Variants in MICAL2 observed in about 807,000 individuals in gnomAD.
MICAL2 encodes [F-actin]-monooxygenase MICAL2.
MICAL2 carries 77 observed loss-of-function variants against 127.3 expected under a neutral mutation model. The ratio of observed to expected loss-of-function variants is 0.60; its 90% CI spans 0.50 to 0.73. The LOEUF is 0.73. Ranked by LOEUF, MICAL2 falls within the 30% of genes least tolerant of loss-of-function variation. The pLI is 0.00. For missense variants in MICAL2, 1,351 were observed against 1,434.4 expected (o/e 0.94, Z 0.94); for synonymous variants, 570 against 551.1 (o/e 1.03, Z -0.48).
At chr11:12,305,311 T>G (rs1047310352) in intron 29 of MICAL2, among the ~76,000 whole-genome samples, 1 of 152,106 alleles carries the variant, frequency 6.6e-6, no homozygotes, top group Admixed American at 6.5e-5. Context: ...GACCCCCTTA[T>G]ATAACCATCA....
intron 5 of MICAL2, 124 bp downstream of exon 5, chr11:12,208,263 A>T: frequency 2.8e-6 from 2 of 703,956 alleles, no homozygotes; most frequent in Admixed American, 2.7e-5. Context: ...GCATAATGCC[A>T]CTGAAGGGTA....
At chr11:12,144,199 GA>G (rs1205631553) in intron 2 of MICAL2, among the ~76,000 whole-genome samples, 1 of 152,112 alleles carries the variant, frequency 6.6e-6, no homozygotes, top group Non-Finnish European at 1.5e-5. Flanking sequence ...TATGAGAAAA[GA>G]AAAAAATCTT....
chr11:12,248,507 C>T (rs552270901), intron 21 of MICAL2, among the ~76,000 whole-genome samples: 3 of 152,186 alleles, frequency 2.0e-5, no homozygotes, highest in Non-Finnish European at 4.4e-5. Flanking sequence ...CTTGCAGGAA[C>T]AAGAAGGCAC....
At chr11:12,198,043 T>A (rs1860170429) in intron 3 of MICAL2, among the ~76,000 whole-genome samples, 1 of 152,192 alleles carries the variant, frequency 6.6e-6, no homozygotes, top group Non-Finnish European at 1.5e-5. Context: ...AGATGAGATG[T>A]AACTCCTTTC....
chr11:12,241,138 C>G lies in MICAL2; in HGVS notation c.2313C>G (p.Ser771Arg). 6.2e-7 allele frequency: 1 copy of G among 1,614,020 alleles called. No individual in the cohort carries two copies. The change falls in exon 18 of 28, where the codon AGC becomes AGG. Residue 771 changes from serine to arginine, a missense_variant. Coordinates refer to ENST00000683283, the MANE Select transcript of MICAL2 (RefSeq NM_001282663.2). ...CCPKPEEATP[S>R]PSPPLKRQFP... ...CCAAGCCGGAGGAGGCCACACCCAGCCCATCACCTCCTCTGAAAAGGCAGG... is the reference window on the plus strand; with the variant it reads ...CCAAGCCGGAGGAGGCCACACCCAGGCCATCACCTCCTCTGAAAAGGCAGG...
chr11:12,136,312 A>G (rs6485498), intron 1 of MICAL2, among the ~76,000 whole-genome samples: 59,812 of 151,954 alleles, frequency 0.39, 11,945 homozygotes, highest in Admixed American at 0.42. Context: ...GGAGTCCCAG[A>G]GCTGCTGTGG....
intron 4 of MICAL2, among the ~76,000 whole-genome samples, chr11:12,205,231 G>A (rs1565158295): frequency 6.6e-6 from 1 of 152,124 alleles, no homozygotes; most frequent in East Asian, 1.9e-4. Flanking sequence ...GAGCTCTCTG[G>A]GCTAGGTCTG....
chr11:12,320,782 G>A (rs1864285215), intron 30 of MICAL2, among the ~76,000 whole-genome samples: 2 of 152,040 alleles, frequency 1.3e-5, no homozygotes, highest in African/African-American at 2.4e-5. Context: ...GGCAGGAGGG[G>A]TCTGGGAGGT....
intron 31 of MICAL2, among the ~76,000 whole-genome samples, chr11:12,325,152 C>T (rs888924023): frequency 2.6e-5 from 4 of 152,100 alleles, no homozygotes; most frequent in Admixed American, 2.6e-4. Flanking sequence ...CTGTGTCACC[C>T]AGGCTGGAGT....
intron 32 of MICAL2, among the ~76,000 whole-genome samples, chr11:12,338,132 G>C (rs1297022185): frequency 6.6e-6 from 1 of 152,158 alleles, no homozygotes; most frequent in African/African-American, 2.4e-5. Context: ...ATGAATCTGT[G>C]TGCTCCTGTA....
chr11:12,236,908 G>T (rs185244114), intron 16 of MICAL2, among the ~76,000 whole-genome samples: 1 of 152,330 alleles, frequency 6.6e-6, no homozygotes, highest in Admixed American at 6.5e-5. Flanking sequence ...AGTGTGGGAT[G>T]CCAGCTTTTG....
chr11:12,354,334 C>T (rs1195552964), intron 33 of MICAL2, among the ~76,000 whole-genome samples: 1 of 152,108 alleles, frequency 6.6e-6, no homozygotes, highest in Admixed American at 6.5e-5. Context: ...AAAATTAGCC[C>T]AGTGGCAGAT....
At chr11:12,326,163 G>A (rs993189899) in intron 31 of MICAL2, among the ~76,000 whole-genome samples, 3 of 152,200 alleles carry the variant, frequency 2.0e-5, no homozygotes, top group Admixed American at 6.5e-5. Context: ...TTAGAAAGAC[G>A]TGGGGTTAAG....
chr11:12,217,823 G>C (rs909162601), intron 8 of MICAL2, among the ~76,000 whole-genome samples: 2 of 152,116 alleles, frequency 1.3e-5, no homozygotes, highest in East Asian at 3.9e-4. Flanking sequence ...CTCCTGAGCT[G>C]GTGCTGAGGA....
chr11:12,318,958 G>A (rs10831786), intron 29 of MICAL2, among the ~76,000 whole-genome samples: 14,851 of 152,200 alleles, frequency 0.098, 959 homozygotes, highest in South Asian at 0.22. Context: ...GTGTTGTTGA[G>A]CCATCCCTAT....
intron 10 of MICAL2, 27 bp downstream of exon 10, chr11:12,221,786 C>T (rs1459512560): frequency 1.9e-6 from 3 of 1,589,754 alleles, no homozygotes; most frequent in Non-Finnish European, 2.6e-6. Flanking sequence ...GGGCTCCTAA[C>T]TGGGGGGCAG....
chr11:12,296,544 G>T, downstream of MICAL2, among the ~76,000 whole-genome samples: 1 of 144,418 alleles, frequency 6.9e-6, no homozygotes. Flanking sequence ...GTGACATAAG[G>T]GTATATTATG....
At chr11:12,125,976 C>T (rs1850888521) in intron 1 of MICAL2, among the ~76,000 whole-genome samples, 1 of 152,124 alleles carries the variant, frequency 6.6e-6, no homozygotes, top group Non-Finnish European at 1.5e-5. Flanking sequence ...CAGGGCTCTG[C>T]AGCCTCCTAC....
chr11:12,266,377 C>T (rs1010931583), downstream of MICAL2, among the ~76,000 whole-genome samples: 14 of 152,116 alleles, frequency 9.2e-5, no homozygotes, highest in African/African-American at 2.9e-4. Context: ...ATGTGTAAGT[C>T]GGTCAAGCAG....
Sources: allele counts gnomAD v4.1 joint callset (sites outside exome capture counted in the v4.1 genomes callset), GRCh38; gene constraint gnomAD v4.1.1; transcripts MANE v1.5; gene names NCBI Gene and HGNC (gene_info 2026-07-23, HGNC 2026-07-21).